The following SLC8A1 variants were observed in gnomAD, a reference collection of about 807,000 sequenced individuals.
SLC8A1 encodes sodium/calcium exchanger 1.
In SLC8A1, 18 loss-of-function variants were observed where a neutral mutation model predicts 68.3. The ratio of observed to expected loss-of-function variants is 0.26; its 90% CI spans 0.18 to 0.39. The LOEUF is 0.39. Ranked by LOEUF, SLC8A1 falls within the 10% of genes least tolerant of loss-of-function variation. The probability of loss-of-function intolerance (pLI) is 1.00; values close to 1 mark genes in which losing one functional copy is unlikely to be tolerated. For missense variants in SLC8A1, 985 were observed against 1,156.7 expected (o/e 0.85, Z 2.15); for synonymous variants, 475 against 415.5 (o/e 1.14, Z -1.74).
At chr2:40,305,959 G>A (rs1440312804) in intron 2 of SLC8A1, among the ~76,000 whole-genome samples, 1 of 152,200 alleles carries the variant, frequency 6.6e-6, no homozygotes, top group Non-Finnish European at 1.5e-5. Flanking sequence ...ATTCAAGCAG[G>A]ATGGTGCATT....
chr2:40,341,588 A>G (rs985491574), intron 2 of SLC8A1, among the ~76,000 whole-genome samples: 2 of 152,198 alleles, frequency 1.3e-5, no homozygotes, highest in African/African-American at 4.8e-5. Context: ...TATTGTTTTC[A>G]AAATATGAAA....
At chr2:40,411,272 T>C (rs1246544837) in intron 2 of SLC8A1, among the ~76,000 whole-genome samples, 1 of 152,042 alleles carries the variant, frequency 6.6e-6, no homozygotes, top group African/African-American at 2.4e-5. Context: ...GCATAACACT[T>C]TGCACACAGC....
intron 1 of SLC8A1, among the ~76,000 whole-genome samples, chr2:40,437,963 G>A (rs1699750746): frequency 6.6e-6 from 1 of 152,142 alleles, no homozygotes; most frequent in South Asian, 2.1e-4. Context: ...GAGATTCACT[G>A]AAGAGAAGAG....
chr2:40,159,587 T>G (rs369942897), intron 6 of SLC8A1, among the ~76,000 whole-genome samples: 1 of 152,168 alleles, frequency 6.6e-6, no homozygotes, highest in African/African-American at 2.4e-5. Flanking sequence ...AGAGGGAGTA[T>G]AGCTCATGCC....
chr2:40,373,094 A>G (rs995267410), intron 2 of SLC8A1, among the ~76,000 whole-genome samples: 1 of 152,138 alleles, frequency 6.6e-6, no homozygotes, highest in African/African-American at 2.4e-5. Flanking sequence ...AGAAATGTTA[A>G]AAATGTTTAT....
intron 2 of SLC8A1, among the ~76,000 whole-genome samples, chr2:40,420,693 A>G (rs1576350532): frequency 1.3e-5 from 2 of 152,210 alleles, no homozygotes; most frequent in Non-Finnish European, 2.9e-5. Flanking sequence ...TACACGTTCT[A>G]GAATCCCAGA....
At chr2:40,149,291 A>C (rs573844618) in intron 6 of SLC8A1, among the ~76,000 whole-genome samples, 1 of 152,270 alleles carries the variant, frequency 6.6e-6, no homozygotes, top group Non-Finnish European at 1.5e-5. Context: ...TAGGCATTGC[A>C]AATGCAGAAA....
chr2:40,333,254 C>T (rs577476552), intron 2 of SLC8A1, among the ~76,000 whole-genome samples: 16 of 151,886 alleles, frequency 1.1e-4, no homozygotes, highest in African/African-American at 2.4e-4. Flanking sequence ...CTGGCTAACA[C>T]GGTGAAACTT....
At chr2:40,391,366 C>A (rs888454576) in intron 2 of SLC8A1, among the ~76,000 whole-genome samples, 1 of 151,854 alleles carries the variant, frequency 6.6e-6, no homozygotes, top group Non-Finnish European at 1.5e-5. Context: ...GAATAAGTGT[C>A]CTTTTAAAAG....
intron 1 of SLC8A1, among the ~76,000 whole-genome samples, chr2:40,448,355 G>GC (rs1214422387): frequency 6.6e-6 from 1 of 152,156 alleles, no homozygotes; most frequent in Non-Finnish European, 1.5e-5. Context: ...ACTTAATGAG[G>GC]CCCCATTGGA....
At chr2:40,266,872 A>G (rs895773442) in intron 2 of SLC8A1, among the ~76,000 whole-genome samples, 10 of 152,226 alleles carry the variant, frequency 6.6e-5, no homozygotes, top group African/African-American at 2.4e-4. Flanking sequence ...TTTAACAGGC[A>G]TGACTGGCTT....
intron 4 of SLC8A1, among the ~76,000 whole-genome samples, chr2:40,173,492 G>A (rs2047919246): frequency 6.6e-6 from 1 of 152,176 alleles, no homozygotes; most frequent in South Asian, 2.1e-4. Flanking sequence ...TAAATGCCAT[G>A]TCTAGAGAGA....
chr2:40,131,877 T>C (rs1395181651), intron 7 of SLC8A1, among the ~76,000 whole-genome samples: 3 of 119,678 alleles, frequency 2.5e-5, no homozygotes, highest in African/African-American at 8.8e-5. Flanking sequence ...TTTTTTTTTT[T>C]TTTTTTTGCC....
intron 2 of SLC8A1, among the ~76,000 whole-genome samples, chr2:40,210,841 T>A (rs2056451023): frequency 6.6e-6 from 1 of 152,240 alleles, no homozygotes; most frequent in African/African-American, 2.4e-5. Flanking sequence ...TTGGAAGGCC[T>A]GTTGACCTTT....
At chr2:40,304,788 G>A (rs1453161296) in intron 2 of SLC8A1, among the ~76,000 whole-genome samples, 2 of 152,102 alleles carry the variant, frequency 1.3e-5, no homozygotes, top group African/African-American at 4.8e-5. Context: ...GATCCCCAAC[G>A]CTAGCTGTTT....
chr2:40,484,619 G>C (rs566436489), intron 1 of SLC8A1, among the ~76,000 whole-genome samples: 1 of 152,200 alleles, frequency 6.6e-6, no homozygotes, highest in Non-Finnish European at 1.5e-5. Flanking sequence ...GGAATATGGG[G>C]AACAGTGTTT....
chr2:40,446,493 C>G (rs995815135), intron 1 of SLC8A1: 1 of 152,208 alleles, frequency 6.6e-6, no homozygotes, highest in African/African-American at 2.4e-5. Flanking sequence ...CCTTTTCACT[C>G]TTTCTGAATA....
intron 2 of SLC8A1, among the ~76,000 whole-genome samples, chr2:40,344,433 A>G (rs1392645258): frequency 6.6e-6 from 1 of 152,196 alleles, no homozygotes; most frequent in African/African-American, 2.4e-5. Flanking sequence ...CCGTATAGAC[A>G]CAAAAAGAAA....
At position 40,462,001 on chromosome 2, in the gene SLC8A1, C is replaced by CT. The variant is rs370223854; in HGVS notation, c.-24-31698dup. Among the ~76,000 whole-genome samples, 411 of 66,140 alleles carry CT rather than the reference C, an allele frequency of 6.2e-3. 70 individuals are homozygous for CT. Among genetic ancestry groups the CT allele is most frequent in the African/African-American group, 0.021 (342 of 16,468 alleles). 43.4% of individuals were successfully genotyped at this position (66,140 alleles called of 152,430 possible). On this transcript the variant is annotated intron_variant, in intron 1 of 7. Coordinates refer to the SLC8A1 transcript ENST00000402441. ...CCTCTCATTTTAAAGTAAAATCCTC[C>CT]TTTTTTTTTTTTTTTTTTTTTTTGA...
Sources: allele counts gnomAD v4.1 joint callset (sites outside exome capture counted in the v4.1 genomes callset), GRCh38; gene constraint gnomAD v4.1.1; transcripts MANE v1.5; gene names NCBI Gene and HGNC (gene_info 2026-07-23, HGNC 2026-07-21).